The following LRP1B variants were observed in gnomAD, a reference collection of about 807,000 sequenced individuals.
LRP1B encodes LDL receptor related protein 1B.
LRP1B carries 217 observed loss-of-function variants against 556.6 expected under a neutral mutation model. The observed-to-expected ratio is 0.39, with a 90% CI of 0.35 to 0.44. The LOEUF (loss-of-function observed/expected upper bound fraction) is 0.44, where lower values mean the gene tolerates loss of function less well. Among genes scored for constraint, LRP1B ranks in the 20% least tolerant of loss-of-function variants. The pLI, the probability that LRP1B is intolerant of heterozygous loss-of-function variation, is 1.00. For missense variants in LRP1B, 5,053 were observed against 5,620.8 expected (o/e 0.90, Z 3.23); for synonymous variants, 2,047 against 1,865.8 (o/e 1.10, Z -2.50).
At chr2:141,605,947 A>G (rs1281930115) in intron 2 of LRP1B, among the ~76,000 whole-genome samples, 1 of 134,076 alleles carries the variant, frequency 7.5e-6, no homozygotes, top group Non-Finnish European at 1.8e-5. Context: ...GATAAAATGC[A>G]AAAGAAAAAA....
Position 140,869,470 on chromosome 2 carries a change from G to A in LRP1B, c.4170-1207C>T, listed in dbSNP as rs1362569242. Among the ~76,000 whole-genome samples the A allele has an allele frequency of 2.6e-5, 4 of 152,084 alleles. No individual in the cohort carries two copies. The East Asian group carries it at 7.8e-4, about 29-fold the overall frequency. ...ATCTGTCTAATCAGTATATACACAG[G>A]ATATACTGTACCAGATAAAACAGAT... is the stretch of plus-strand genomic sequence containing the variant. On this transcript the variant is annotated intron_variant, in intron 25 of 90. Transcript: ENST00000389484.
At chr2:142,107,353 T>C (rs1014983845) in intron 1 of LRP1B, among the ~76,000 whole-genome samples, 19 of 152,206 alleles carry the variant, frequency 1.2e-4, no homozygotes, top group African/African-American at 4.6e-4. Flanking sequence ...TGAGAATGAG[T>C]TAGTTATCAC....
chr2:141,311,697 A>T (rs1222499072), intron 3 of LRP1B, among the ~76,000 whole-genome samples: 1 of 152,200 alleles, frequency 6.6e-6, no homozygotes. Context: ...CCCTCTTGTC[A>T]TGTGATACCT....
intron 2 of LRP1B, among the ~76,000 whole-genome samples, chr2:141,649,506 G>C (rs948077153): frequency 6.6e-6 from 1 of 152,098 alleles, no homozygotes; most frequent in African/African-American, 2.4e-5. Flanking sequence ...TAAGAAAAAT[G>C]CTCAAGATAT....
intron 1 of LRP1B, among the ~76,000 whole-genome samples, chr2:142,092,476 A>G (rs1706208615): frequency 6.6e-6 from 1 of 152,180 alleles, no homozygotes; most frequent in Admixed American, 6.5e-5. Flanking sequence ...AAAATAGCTC[A>G]TAAGGAAATT....
intron 79 of LRP1B, among the ~76,000 whole-genome samples, chr2:140,327,414 G>C (rs1006839175): frequency 6.6e-6 from 1 of 152,072 alleles, no homozygotes; most frequent in African/African-American, 2.4e-5. Context: ...AATTAAGCAA[G>C]TGGTCATTGT....
At chr2:140,936,743 T>C (rs903215050) in intron 20 of LRP1B, among the ~76,000 whole-genome samples, 1 of 152,182 alleles carries the variant, frequency 6.6e-6, no homozygotes, top group Admixed American at 6.6e-5. Context: ...CTAGTATTAT[T>C]GTACCTTTTG....
intron 76 of LRP1B, among the ~76,000 whole-genome samples, chr2:140,352,192 T>C (rs1185673230): frequency 6.6e-6 from 1 of 152,186 alleles, no homozygotes; most frequent in Admixed American, 6.5e-5. Flanking sequence ...TTTTCTTTTT[T>C]TGAGATGGAG....
At chr2:142,117,082 T>C (rs1182606980) in intron 1 of LRP1B, among the ~76,000 whole-genome samples, 1 of 152,150 alleles carries the variant, frequency 6.6e-6, no homozygotes, top group Admixed American at 6.6e-5. Context: ...CCACGTGCTG[T>C]TACTTCCCAC....
In LRP1B at chr2:140,840,017, A is replaced by C; in HGVS notation, c.5183T>G (p.Leu1728Arg). 1 of 1,610,806 alleles carries C rather than the reference A, an allele frequency of 6.2e-7. No homozygotes were observed. The highest frequency in any genetic ancestry group is 8.5e-7 in the Non-Finnish European group (1 of 1,179,148). ...ANMDGSNSKI[L>R]FQNQKEPVGL... ...AACTGGCTCCTTCTGATTCTGAAAC[A>C]GAATCTTGCTATTACTGCCATCCAT... The change falls in exon 31 of 91, where the codon CTG becomes CGG. Residue 1728 changes from leucine (L) to arginine (R), a missense_variant. This residue lies in a region of LRP1B where 3,619 missense variants were observed against 3,931.9 expected (regional missense o/e 0.92). Coordinates refer to ENST00000389484, the MANE Select transcript of LRP1B (RefSeq NM_018557.3).
At chr2:140,823,814 C>T (rs918162292) in intron 31 of LRP1B, among the ~76,000 whole-genome samples, 8 of 151,754 alleles carry the variant, frequency 5.3e-5, no homozygotes, top group Admixed American at 3.9e-4. Flanking sequence ...AAATATTATC[C>T]TTAGCAAACT....
At chr2:142,103,218 T>C (rs1460789077) in intron 1 of LRP1B, among the ~76,000 whole-genome samples, 1 of 151,998 alleles carries the variant, frequency 6.6e-6, no homozygotes, top group Non-Finnish European at 1.5e-5. Flanking sequence ...AAAATAATCA[T>C]GCAAATTATT....
chr2:141,209,812 A>G (rs1294402582), intron 6 of LRP1B, among the ~76,000 whole-genome samples: 1 of 152,210 alleles, frequency 6.6e-6, no homozygotes, highest in Admixed American at 6.5e-5. Flanking sequence ...TCACAGACAC[A>G]GACACGGATG....
chr2:140,673,817 C>T (rs1685571604), intron 41 of LRP1B, among the ~76,000 whole-genome samples: 1 of 152,120 alleles, frequency 6.6e-6, no homozygotes, highest in Non-Finnish European at 1.5e-5. Context: ...GGACTTTAGA[C>T]ACAACTGACC....
intron 3 of LRP1B, among the ~76,000 whole-genome samples, chr2:141,287,317 CTTTA>C (rs1028028783): frequency 2.2e-4 from 33 of 148,568 alleles, no homozygotes; most frequent in African/African-American, 6.5e-4. Flanking sequence ...TTTTTGCTTT[CTTTA>C]TTTTTCTTTT....
chr2:141,775,998 A>T (rs1695058136), intron 2 of LRP1B, among the ~76,000 whole-genome samples: 1 of 147,012 alleles, frequency 6.8e-6, no homozygotes, highest in Non-Finnish European at 1.5e-5. Context: ...GCCCGTCATC[A>T]CGCCAGGTTA....
chr2:141,880,459 T>C (rs937535749), intron 1 of LRP1B, among the ~76,000 whole-genome samples: 5 of 152,006 alleles, frequency 3.3e-5, no homozygotes, highest in East Asian at 1.9e-4. Flanking sequence ...ATGTCACATA[T>C]ATTATCATAC....
chr2:140,684,351 CTAAAT>C (rs1467475191), intron 41 of LRP1B, among the ~76,000 whole-genome samples: 4 of 152,198 alleles, frequency 2.6e-5, no homozygotes, highest in Non-Finnish European at 5.9e-5. Flanking sequence ...CGAATGGTGA[CTAAAT>C]TAATCTAATT....
intron 2 of LRP1B, among the ~76,000 whole-genome samples, chr2:141,573,653 A>G (rs1291601931): frequency 6.6e-6 from 1 of 151,594 alleles, no homozygotes; most frequent in Non-Finnish European, 1.5e-5. Flanking sequence ...AAAAAAATCA[A>G]TGAATCCAAG....
Sources: gnomAD v4.1 joint callset for allele counts (sites outside exome capture counted in the v4.1 genomes callset) on GRCh38, gnomAD v4.1.1 for gene constraint, gnomAD v4.1.1 regional missense constraint, MANE v1.5 for transcripts, NCBI Gene and HGNC (gene_info 2026-07-23, HGNC 2026-07-21) for gene names.